CFAP299: variants seen among roughly 807,000 people sequenced by gnomAD.
CFAP299 encodes the protein cilia- and flagella-associated protein 299.
Under a neutral mutation model 27.0 loss-of-function variants are expected in CFAP299, and 21 were observed. The ratio of observed to expected loss-of-function variants is 0.78; its 90% CI spans 0.55 to 1.12. The LOEUF (loss-of-function observed/expected upper bound fraction) is 1.12. CFAP299 is among the 50% of genes most tolerant of loss of function. The pLI, the probability that CFAP299 is intolerant of heterozygous loss-of-function variation, is 0.00. For missense variants in CFAP299, 310 were observed against 276.6 expected (o/e 1.12, Z -0.86); for synonymous variants, 104 against 98.1 (o/e 1.06, Z -0.36).
At chr4:80,790,850 C>T (rs986096331) in intron 3 of CFAP299, among the ~76,000 whole-genome samples, 1 of 151,976 alleles carries the variant, frequency 6.6e-6, no homozygotes, top group Non-Finnish European at 1.5e-5. Flanking sequence ...AAAGAACATT[C>T]ATTTAATAAT....
intron 4 of CFAP299, among the ~76,000 whole-genome samples, chr4:80,915,295 T>TTA (rs1250630289): frequency 6.6e-6 from 1 of 152,086 alleles, no homozygotes; most frequent in Non-Finnish European, 1.5e-5. Flanking sequence ...TTAAAACATT[T>TTA]TAAAGATGTC....
intron 5 of CFAP299, among the ~76,000 whole-genome samples, chr4:80,954,470 G>C (rs764385868): frequency 6.6e-6 from 1 of 152,160 alleles, no homozygotes; most frequent in Non-Finnish European, 1.5e-5. Flanking sequence ...ATCTCATGTT[G>C]ATAACTTATA....
chr4:80,753,934 A>G (rs913303696), intron 3 of CFAP299, among the ~76,000 whole-genome samples: 2 of 152,174 alleles, frequency 1.3e-5, no homozygotes, highest in Non-Finnish European at 2.9e-5. Context: ...TCTTTAACAC[A>G]TTAATCATAG....
chr4:80,805,420 A>G (rs1020719505), intron 3 of CFAP299, among the ~76,000 whole-genome samples: 3 of 152,200 alleles, frequency 2.0e-5, no homozygotes, highest in South Asian at 2.1e-4. Context: ...AGCAGGAACT[A>G]TATCACTTTC....
At chr4:80,558,354 G>GTTTTTTTTTTTTTTTTTTTTT (rs1159652533) in intron 2 of CFAP299, among the ~76,000 whole-genome samples, 9 of 126,444 alleles carry the variant, frequency 7.1e-5, no homozygotes, top group African/African-American at 2.7e-4. Flanking sequence ...TTGTTTGTTT[G>GTTTTTTTTTTTTTTTTTTTTT]TTTGTTTGTT....
chr4:80,666,604 A>G (rs1049077359), intron 3 of CFAP299, among the ~76,000 whole-genome samples: 1 of 152,094 alleles, frequency 6.6e-6, no homozygotes, highest in Non-Finnish European at 1.5e-5. Context: ...TAGTTCATCA[A>G]ATTTAGCTTT....
intron 3 of CFAP299, among the ~76,000 whole-genome samples, chr4:80,820,326 G>T (rs1483437031): frequency 6.6e-6 from 1 of 152,036 alleles, no homozygotes; most frequent in Non-Finnish European, 1.5e-5. Context: ...ATACAAGAGA[G>T]AAAATGAAAT....
chr4:80,542,081 G>T (rs1734021199), intron 2 of CFAP299, among the ~76,000 whole-genome samples: 1 of 152,110 alleles, frequency 6.6e-6, no homozygotes, highest in Admixed American at 6.5e-5. Context: ...CTTGGCGCAT[G>T]CTTGGCTTTT....
At chr4:80,498,949 A>G (rs945163349) in intron 2 of CFAP299, among the ~76,000 whole-genome samples, 1 of 152,290 alleles carries the variant, frequency 6.6e-6, no homozygotes, top group Non-Finnish European at 1.5e-5. Flanking sequence ...TTGCAGCAAC[A>G]TGTATGGAGC....
intron 3 of CFAP299, among the ~76,000 whole-genome samples, chr4:80,595,264 A>C (rs1737003943): frequency 7.2e-6 from 1 of 139,344 alleles, no homozygotes. Context: ...CTCCCTCCCA[A>C]AGATAGCACA....
intron 3 of CFAP299, among the ~76,000 whole-genome samples, chr4:80,750,519 A>T (rs1724875820): frequency 6.6e-6 from 1 of 152,202 alleles, no homozygotes; most frequent in Non-Finnish European, 1.5e-5. Flanking sequence ...TTTCAACACC[A>T]TTAAAAGTGC....
chr4:80,552,045 G>A (rs1027474567), intron 2 of CFAP299, among the ~76,000 whole-genome samples: 3 of 152,046 alleles, frequency 2.0e-5, no homozygotes, highest in Non-Finnish European at 2.9e-5. Context: ...CACCATGCCC[G>A]GCCCGAAAGC....
intron 3 of CFAP299, among the ~76,000 whole-genome samples, chr4:80,723,203 G>T (rs1578059686): frequency 6.6e-6 from 1 of 152,104 alleles, no homozygotes; most frequent in Non-Finnish European, 1.5e-5. Context: ...TTTTAAAAAG[G>T]TTAAACATAC....
chr4:80,507,908 T>C (rs1732113299), intron 2 of CFAP299, among the ~76,000 whole-genome samples: 1 of 152,172 alleles, frequency 6.6e-6, no homozygotes, highest in Non-Finnish European at 1.5e-5. Context: ...CAATAACAGT[T>C]TTATCTTCAT....
At chr4:80,657,526 T>A (rs1740621687) in intron 3 of CFAP299, among the ~76,000 whole-genome samples, 1 of 152,156 alleles carries the variant, frequency 6.6e-6, no homozygotes, top group Non-Finnish European at 1.5e-5. Flanking sequence ...TTGTCAAAGA[T>A]CAGATGGTTG....
At chr4:80,714,430 C>A (rs1410009894) in intron 3 of CFAP299, among the ~76,000 whole-genome samples, 1 of 152,064 alleles carries the variant, frequency 6.6e-6, no homozygotes, top group Non-Finnish European at 1.5e-5. Flanking sequence ...GGGTAAAGGA[C>A]AAAGTACCCA....
intron 2 of CFAP299, among the ~76,000 whole-genome samples, chr4:80,522,808 T>C (rs1412630878): frequency 2.0e-5 from 3 of 152,124 alleles, no homozygotes; most frequent in South Asian, 2.1e-4. Context: ...TTTGGCCATA[T>C]ATGTATGGGT....
chr4:80,820,506 A>G (rs1729644996), intron 3 of CFAP299, among the ~76,000 whole-genome samples: 1 of 152,088 alleles, frequency 6.6e-6, no homozygotes, highest in South Asian at 2.1e-4. Flanking sequence ...AAGGAACAGC[A>G]AGAAGGCCAG....
chr4:80,679,641 T>A (rs1006106781), intron 3 of CFAP299, among the ~76,000 whole-genome samples: 3 of 151,886 alleles, frequency 2.0e-5, no homozygotes, highest in Non-Finnish European at 2.9e-5. Flanking sequence ...TATCTTAAGG[T>A]GGTTTTAATT....
Sources: gnomAD v4.1 joint callset for allele counts (sites outside exome capture counted in the v4.1 genomes callset) on GRCh38, gnomAD v4.1.1 for gene constraint, MANE v1.5 for transcripts, NCBI Gene and HGNC (gene_info 2026-07-23, HGNC 2026-07-21) for gene names.